The following NAALADL2 variants were observed in gnomAD, a reference collection of about 807,000 sequenced individuals.
NAALADL2 encodes N-acetylated alpha-linked acidic dipeptidase like 2.
NAALADL2 carries 76 observed loss-of-function variants against 87.2 expected under a neutral mutation model. That is an observed-to-expected ratio of 0.87 (90% CI 0.72 to 1.05). NAALADL2 has a LOEUF of 1.05. NAALADL2 is among the 50% of genes least tolerant of loss of function. NAALADL2 has a pLI of 0.00. For missense variants in NAALADL2, 1,089 were observed against 945.8 expected (o/e 1.15, Z -1.99); for synonymous variants, 354 against 331.0 (o/e 1.07, Z -0.75).
intron 2 of NAALADL2, among the ~76,000 whole-genome samples, chr3:175,126,539 T>A (rs920152513): frequency 6.6e-6 from 1 of 152,096 alleles, no homozygotes; most frequent in Non-Finnish European, 1.5e-5. Flanking sequence ...TAAAGGAAAA[T>A]ATATATATTT....
At chr3:174,874,759 G>A (rs541386225) in intron 1 of NAALADL2, among the ~76,000 whole-genome samples, 70 of 152,122 alleles carry the variant, frequency 4.6e-4, no homozygotes, top group Admixed American at 7.9e-4. Context: ...ATACACATGT[G>A]TCTTGAACAG....
At chr3:175,051,280 A>C (rs1193820473) in intron 1 of NAALADL2, among the ~76,000 whole-genome samples, 2 of 152,206 alleles carry the variant, frequency 1.3e-5, no homozygotes, top group African/African-American at 4.8e-5. Context: ...ACACAAACTT[A>C]GTGGGTTAAA....
intron 9 of NAALADL2, among the ~76,000 whole-genome samples, chr3:175,511,187 C>T (rs962597381): frequency 1.6e-4 from 24 of 152,154 alleles, no homozygotes; most frequent in African/African-American, 5.6e-4. Flanking sequence ...CTGACCCAAG[C>T]TAATCATAAT....
intron 5 of NAALADL2, among the ~76,000 whole-genome samples, chr3:175,434,365 C>T (rs1175347363): frequency 6.6e-6 from 1 of 151,970 alleles, no homozygotes; most frequent in African/African-American, 2.4e-5. Context: ...GTCTCCGAAC[C>T]CCAGGCCAGT....
chr3:175,234,727 G>GTT (rs10646382), intron 3 of NAALADL2: 99,571 of 149,540 alleles, frequency 0.67, 33,269 homozygotes, highest in Non-Finnish European at 0.71. Flanking sequence ...TTATGATGCA[G>GTT]TTTTTTTTTT....
intron 13 of NAALADL2, among the ~76,000 whole-genome samples, chr3:175,781,703 T>C (rs926855990): frequency 6.6e-5 from 10 of 151,484 alleles, no homozygotes; most frequent in Admixed American, 1.3e-4. Flanking sequence ...AACATAACGC[T>C]TTTATTTTTT....
At chr3:174,898,766 T>C (rs931549786) in intron 1 of NAALADL2, among the ~76,000 whole-genome samples, 1 of 149,412 alleles carries the variant, frequency 6.7e-6, no homozygotes, top group Admixed American at 6.9e-5. Context: ...AATAATTAGA[T>C]AAAACTAAAC....
intron 2 of NAALADL2, among the ~76,000 whole-genome samples, chr3:175,189,562 T>C (rs1472186364): frequency 6.6e-6 from 1 of 152,140 alleles, no homozygotes; most frequent in Non-Finnish European, 1.5e-5. Flanking sequence ...ATTAATGAAA[T>C]AAATTTAAGA....
intron 4 of NAALADL2, among the ~76,000 whole-genome samples, chr3:175,311,208 C>T (rs1194866871): frequency 6.9e-6 from 1 of 145,538 alleles, no homozygotes; most frequent in Non-Finnish European, 1.5e-5. Flanking sequence ...GAACTATATA[C>T]TCAATCTAGA....
At chr3:174,899,576 G>GT (rs1472292724) in intron 1 of NAALADL2, among the ~76,000 whole-genome samples, 1 of 152,122 alleles carries the variant, frequency 6.6e-6, no homozygotes, top group Non-Finnish European at 1.5e-5. Flanking sequence ...CTGCCATAAT[G>GT]TAAGTTTCCT....
At chr3:174,964,162 T>G (rs1329406392) in intron 1 of NAALADL2, among the ~76,000 whole-genome samples, 1 of 152,134 alleles carries the variant, frequency 6.6e-6, no homozygotes, top group Non-Finnish European at 1.5e-5. Flanking sequence ...TTACAAAAAT[T>G]TCTAATGTAC....
At chr3:175,287,751 A>C (rs2110120550) in intron 4 of NAALADL2, among the ~76,000 whole-genome samples, 1 of 152,306 alleles carries the variant, frequency 6.6e-6, no homozygotes, top group Non-Finnish European at 1.5e-5. Context: ...ATTCATGAGA[A>C]ATGGAATGGA....
chr3:175,448,719 T>C (rs1479247210), intron 6 of NAALADL2, among the ~76,000 whole-genome samples: 3 of 152,360 alleles, frequency 2.0e-5, no homozygotes, highest in East Asian at 3.9e-4. Flanking sequence ...TTATGTTATA[T>C]ATTTTTTGAG....
intron 3 of NAALADL2, among the ~76,000 whole-genome samples, chr3:174,829,097 T>C (rs73174765): frequency 1.3e-5 from 2 of 150,264 alleles, no homozygotes; most frequent in South Asian, 2.1e-4. Context: ...TCTGTTTTTT[T>C]TTGTTGTTGT....
At position 174,705,253 on chromosome 3, in the gene NAALADL2, G is replaced by GA. The variant is rs567922517; in HGVS notation, c.-114-32382dup. Among the ~76,000 whole-genome samples the GA allele has an allele frequency of 2.0e-4, 30 of 152,196 alleles. No individual in the cohort carries two copies. The East Asian group carries it at 4.8e-3, about 25-fold the overall frequency. ...ATTTGGGAAGAAATCATAGTACTTA[G>GA]AAAAAATCCACGCAGACGTGGGGAG... is the stretch of plus-strand genomic sequence containing the variant. On this transcript the variant is annotated intron_variant, in intron 2 of 3. Transcript: ENST00000434257.
chr3:175,330,848 A>T (rs1030393507), intron 5 of NAALADL2, among the ~76,000 whole-genome samples: 3 of 152,162 alleles, frequency 2.0e-5, no homozygotes, highest in African/African-American at 7.2e-5. Flanking sequence ...AAAAATACAA[A>T]ACAGCAATAA....
At chr3:174,895,516 A>T (rs1026569041) in intron 1 of NAALADL2, among the ~76,000 whole-genome samples, 4 of 152,150 alleles carry the variant, frequency 2.6e-5, no homozygotes, top group Non-Finnish European at 4.4e-5. Context: ...ATAACAAGTA[A>T]TGAGATGGTA....
chr3:175,377,404 TCTTA>T (rs1767264197), intron 5 of NAALADL2, among the ~76,000 whole-genome samples: 2 of 152,176 alleles, frequency 1.3e-5, no homozygotes, highest in South Asian at 4.1e-4. Flanking sequence ...TAATTGTTGT[TCTTA>T]CTTTTTTCTT....
chr3:174,538,954 A>G (rs1039225058), intron 1 of NAALADL2, among the ~76,000 whole-genome samples: 1 of 152,192 alleles, frequency 6.6e-6, no homozygotes, highest in Non-Finnish European at 1.5e-5. Flanking sequence ...CGTTGGGCTC[A>G]TGACCTTTTG....
Sources: allele counts gnomAD v4.1 joint callset (sites outside exome capture counted in the v4.1 genomes callset), GRCh38; gene constraint gnomAD v4.1.1; transcripts MANE v1.5; gene names NCBI Gene and HGNC (gene_info 2026-07-23, HGNC 2026-07-21).